The following GRIP2 variants were observed in gnomAD, a reference collection of about 807,000 sequenced individuals.
The protein encoded by GRIP2 is glutamate receptor interacting protein 2, also known as glutamate receptor-interacting protein 2.
Under a neutral mutation model 108.3 loss-of-function variants are expected in GRIP2, and 58 were observed. The ratio of observed to expected loss-of-function variants is 0.54; its 90% CI spans 0.43 to 0.67. GRIP2 has a LOEUF of 0.67. Among genes scored for constraint, GRIP2 ranks in the 30% least tolerant of loss-of-function variants. The pLI, the probability that GRIP2 is intolerant of heterozygous loss-of-function variation, is 0.00. For synonymous variants in GRIP2, 586 were observed against 598.2 expected, an observed-to-expected ratio of 0.98 and a Z score of 0.30; for missense variants, 1,278 against 1,430.6, an observed-to-expected ratio of 0.89 and a Z score of 1.72.
At chr3:14,532,511 C>T (rs1437609817) in intron 1 of GRIP2, among the ~76,000 whole-genome samples, 1 of 152,196 alleles carries the variant, frequency 6.6e-6, no homozygotes, top group Non-Finnish European at 1.5e-5. Flanking sequence ...GGCCTCTAAC[C>T]ACCAGATGCC....
Position 14,552,648 on chromosome 3 carries a change from T to C in GRIP2, c.55+3252A>G, listed in dbSNP as rs530986275. 2.0e-5 allele frequency among the ~76,000 whole-genome samples: 3 copies of C among 151,164 alleles called. No homozygotes were observed. In the South Asian group the frequency reaches 6.3e-4, roughly 32 times the overall value. ...TCTCTCTCTCTCTTTTTTTTTTTTT[T>C]TTGGCACAGTCTTGGCTCACTGCAA... is the stretch of plus-strand genomic sequence containing the variant. On this transcript the variant is annotated intron_variant, in intron 1 of 23. Coordinates refer to the GRIP2 transcript ENST00000637182.
chr3:14,578,336 T>C, the GRIP2 span, among the ~76,000 whole-genome samples: 1 of 152,186 alleles, frequency 6.6e-6, no homozygotes, highest in Admixed American at 6.5e-5. Flanking sequence ...CAGTTCTTCA[T>C]CTGGGAAATA....
chr3:14,497,428 C>G (rs1693641850), intron 21 of GRIP2, among the ~76,000 whole-genome samples: 1 of 152,152 alleles, frequency 6.6e-6, no homozygotes, highest in African/African-American at 2.4e-5. Flanking sequence ...GCATCCAGAG[C>G]TGAAATTGAA....
rs1001299867 is a variant in GRIP2 at position 14,505,992 on chromosome 3, G to A, written c.2399-203C>T. 1.3e-5 allele frequency among the ~76,000 whole-genome samples: 2 copies of A among 152,154 alleles called. No homozygotes were observed. Among genetic ancestry groups the A allele is most frequent in the African/African-American group, 2.4e-5 (1 of 41,416 alleles). Reference sequence around the variant, plus strand: ...CAGAAGTTAATGCCTGGGGCTCTGCGACTCTGTCTCAACTCCATCGGCCTG... The same window carrying A: ...CAGAAGTTAATGCCTGGGGCTCTGCAACTCTGTCTCAACTCCATCGGCCTG... On this transcript the variant is annotated intron_variant, in intron 19 of 23. Transcript: ENST00000621039. This position sits in a 1 kb window ranked among gnomAD's most constrained non-coding sequence, Gnocchi z 4.2.
At chr3:14,572,962 C>A in the GRIP2 span, 2 of 1,473,558 alleles carry the variant, frequency 1.4e-6, no homozygotes, top group Non-Finnish European at 1.9e-6. Context: ...AAGAGGACCA[C>A]CAGGCCAGCC....
At chr3:14,535,647 A>G (rs1694816811) in intron 1 of GRIP2, among the ~76,000 whole-genome samples, 1 of 152,220 alleles carries the variant, frequency 6.6e-6, no homozygotes, top group Admixed American at 6.5e-5. Flanking sequence ...GATAAAGGGC[A>G]GGGCCAGGGT....
Position 14,524,553 on chromosome 3 carries a change from C to A in GRIP2, c.258-15G>T. 1 of 1,550,614 alleles carries A rather than the reference C, an allele frequency of 6.4e-7. No individual in the cohort carries two copies. The highest frequency in any genetic ancestry group is 8.7e-7 in the Non-Finnish European group (1 of 1,146,364). On this transcript the variant is annotated splice_polypyrimidine_tract_variant and intron_variant, in intron 3 of 23. Transcript: ENST00000621039. ...GCAGATCACTCCTAGAGCAGGAAGGCCAGGGCACACATGGTAACAGGTGCT... is the reference window on the plus strand; with the variant it reads ...GCAGATCACTCCTAGAGCAGGAAGGACAGGGCACACATGGTAACAGGTGCT...
chr3:14,500,543 G>A (rs781701380), intron 21 of GRIP2, among the ~76,000 whole-genome samples: 4 of 152,156 alleles, frequency 2.6e-5, no homozygotes, highest in Non-Finnish European at 4.4e-5. Flanking sequence ...CAGGAGCAAC[G>A]ATCATTGCCA....
At chr3:14,587,501 T>C in the GRIP2 span, among the ~76,000 whole-genome samples, 1 of 152,064 alleles carries the variant, frequency 6.6e-6, no homozygotes, top group Non-Finnish European at 1.5e-5. Context: ...TAGCCAGGCA[T>C]GGTGGCGGGC....
the GRIP2 span, among the ~76,000 whole-genome samples, chr3:14,576,718 C>T: frequency 2.6e-5 from 4 of 152,342 alleles, no homozygotes; most frequent in South Asian, 6.2e-4. Context: ...TTGCTGAGCA[C>T]CTCGCGGGCA....
chr3:14,574,223 G>T, the GRIP2 span: 1 of 868,766 alleles, frequency 1.2e-6, no homozygotes, highest in Non-Finnish European at 2.0e-6. Flanking sequence ...GGCTGTCCAT[G>T]TCCTCGATCT....
chr3:14,573,850 C>T, the GRIP2 span: 1 of 1,406,968 alleles, frequency 7.1e-7, no homozygotes, highest in Non-Finnish European at 1.0e-6. Context: ...ACCCACATTG[C>T]CAGCATGGGC....
chr3:14,602,893 G>A, the GRIP2 span, among the ~76,000 whole-genome samples: 11 of 150,832 alleles, frequency 7.3e-5, no homozygotes, highest in Admixed American at 2.6e-4. The surrounding 1 kb of genome is among the most constrained non-coding windows in gnomAD (Gnocchi z 4.7). Flanking sequence ...CGCGCCGCGC[G>A]CGCGCTCACC....
In GRIP2 at chr3:14,505,415, G is replaced by A. The variant is rs138105211; in HGVS notation, c.2573+200C>T. On this transcript the variant is annotated intron_variant, in intron 20 of 23. Coordinates refer to ENST00000621039, the MANE Select transcript of GRIP2 (RefSeq NM_001080423.4). The surrounding 1 kb of genome is among the most constrained non-coding windows in gnomAD (Gnocchi z 4.2). ...CCACCTCTATACCTTCGTCCCTGCC[G>A]TGCCCTCCACCAGTCTGCCCTTCCC... 3.6e-4 allele frequency among the ~76,000 whole-genome samples: 55 copies of A among 152,234 alleles called. No homozygotes were observed. The East Asian group carries it at 6.4e-3, about 18-fold the overall frequency.
At chr3:14,508,688 G>A (rs1249133947) in intron 17 of GRIP2, among the ~76,000 whole-genome samples, 4 of 152,102 alleles carry the variant, frequency 2.6e-5, no homozygotes. Flanking sequence ...CCCCTCAAAT[G>A]TGACTGCCCA....
intron 16 of GRIP2, among the ~76,000 whole-genome samples, chr3:14,510,258 G>GTTTTTTT (rs148444184): frequency 1.1e-5 from 1 of 92,288 alleles, no homozygotes; most frequent in African/African-American, 5.1e-5. Flanking sequence ...ATCATCCGTT[G>GTTTTTTT]TTTTTTTTTT....
the GRIP2 span, chr3:14,574,388 C>T: frequency 1.2e-6 from 1 of 853,422 alleles, no homozygotes; most frequent in Non-Finnish European, 1.9e-6. Flanking sequence ...TGCTCACCAT[C>T]TCCTGTCGGA....
At chr3:14,537,999 A>G (rs4264718) in intron 1 of GRIP2, among the ~76,000 whole-genome samples, 1,703 of 152,344 alleles carry the variant, frequency 0.011, 29 homozygotes, top group African/African-American at 0.039. Flanking sequence ...GATAGGTCAC[A>G]GTCCCTTCCT....
At chr3:14,586,614 A>G in the GRIP2 span, among the ~76,000 whole-genome samples, 1 of 152,246 alleles carries the variant, frequency 6.6e-6, no homozygotes, top group African/African-American at 2.4e-5. Flanking sequence ...ATGGCCTAGA[A>G]CATGAGGAAT....
Sources: allele counts gnomAD v4.1 joint callset (sites outside exome capture counted in the v4.1 genomes callset), GRCh38; gene constraint gnomAD v4.1.1; non-coding constraint Gnocchi (gnomAD v3.1); transcripts MANE v1.5; gene names NCBI Gene and HGNC (gene_info 2026-07-23, HGNC 2026-07-21).